The following MRRF variants were observed in gnomAD, a reference collection of about 807,000 sequenced individuals.
MRRF encodes mitochondrial ribosome recycling factor, also known as ribosome-recycling factor, mitochondrial.
Under a neutral mutation model 25.1 loss-of-function variants are expected in MRRF, and 18 were observed. The ratio of observed to expected loss-of-function variants is 0.72; its 90% CI spans 0.50 to 1.06. The LOEUF (loss-of-function observed/expected upper bound fraction) is 1.06. Among genes scored for constraint, MRRF ranks in the 50% least tolerant of loss-of-function variants. MRRF has a pLI of 0.00. For synonymous variants in MRRF, 113 were observed against 112.1 expected, an observed-to-expected ratio of 1.01 and a Z score of -0.05; for missense variants, 323 against 319.3, an observed-to-expected ratio of 1.01 and a Z score of -0.09.
intron 3 of MRRF, among the ~76,000 whole-genome samples, chr9:122,282,920 C>T (rs1410707809): frequency 6.6e-6 from 1 of 151,870 alleles, no homozygotes; most frequent in Non-Finnish European, 1.5e-5. Flanking sequence ...ATGCAAGGGT[C>T]CTGAAGCAAG....
chr9:122,289,286 A>G (rs565444786), intron 4 of MRRF, among the ~76,000 whole-genome samples: 19 of 152,320 alleles, frequency 1.2e-4, no homozygotes, highest in Admixed American at 1.0e-3. Context: ...CAGATCACTA[A>G]TATATTCAAT....
At chr9:122,321,121 C>T (rs1396484545) in intron 6 of MRRF, among the ~76,000 whole-genome samples, 1 of 152,208 alleles carries the variant, frequency 6.6e-6, no homozygotes, top group Non-Finnish European at 1.5e-5. Flanking sequence ...CAATACATTG[C>T]CTGTCTTCCC....
chr9:122,304,623 C>G (rs772647001), intron 5 of MRRF, among the ~76,000 whole-genome samples: 1 of 152,210 alleles, frequency 6.6e-6, no homozygotes, highest in Non-Finnish European at 1.5e-5. Context: ...ATGGTACCTA[C>G]CGGTTGACTA....
intron 3 of MRRF, among the ~76,000 whole-genome samples, chr9:122,283,627 T>G (rs575308301): frequency 1.3e-5 from 2 of 152,342 alleles, no homozygotes; most frequent in South Asian, 4.1e-4. Flanking sequence ...TCTGGTTGAG[T>G]ATCTCAAATC....
intron 5 of MRRF, among the ~76,000 whole-genome samples, chr9:122,306,806 TG>T (rs774154634): frequency 2.0e-5 from 3 of 152,200 alleles, no homozygotes; most frequent in Non-Finnish European, 2.9e-5. Flanking sequence ...AATGTGGAGC[TG>T]TGACCCCGAC....
At chr9:122,305,789 ATG>A (rs1170058524) in intron 5 of MRRF, among the ~76,000 whole-genome samples, 1 of 152,256 alleles carries the variant, frequency 6.6e-6, no homozygotes, top group East Asian at 1.9e-4. Context: ...TTTCACTAGA[ATG>A]TGAGTGCTTT....
chr9:122,298,465 G>A (rs1011204630), intron 5 of MRRF, among the ~76,000 whole-genome samples: 1 of 152,126 alleles, frequency 6.6e-6, no homozygotes, highest in African/African-American at 2.4e-5. Context: ...AGATATATGT[G>A]TCCCTGTGAC....
chr9:122,279,476 C>G (rs548825125), intron 2 of MRRF, among the ~76,000 whole-genome samples: 1 of 152,270 alleles, frequency 6.6e-6, no homozygotes, highest in East Asian at 1.9e-4. Flanking sequence ...AGATGTTCAA[C>G]AAAATTTATT....
At chr9:122,269,578 T>A (rs974134501) in intron 1 of MRRF, among the ~76,000 whole-genome samples, 1 of 151,752 alleles carries the variant, frequency 6.6e-6, no homozygotes, top group African/African-American at 2.4e-5. Flanking sequence ...TACAAAAAAA[T>A]TCGCTGGGCA....
rs751385219 is a variant in MRRF at position 122,322,625 on chromosome 9, C to G, written c.*8C>G. 1 of 1,613,784 alleles carries G rather than the reference C, an allele frequency of 6.2e-7. No homozygotes were observed. The highest frequency in any genetic ancestry group is 8.5e-7 in the Non-Finnish European group (1 of 1,179,750). ...AAAGAACTCCTTGGATGAAAGTCCACTGGGGCCAGCAATACTCCAGAGCCC... is the reference window on the plus strand; with the variant it reads ...AAAGAACTCCTTGGATGAAAGTCCAGTGGGGCCAGCAATACTCCAGAGCCC... On this transcript the variant is annotated 3_prime_UTR_variant, in exon 7 of 7. Transcript: ENST00000344641.
At chr9:122,311,700 A>G (rs1554823707) in intron 5 of MRRF, among the ~76,000 whole-genome samples, 1 of 152,126 alleles carries the variant, frequency 6.6e-6, no homozygotes, top group Non-Finnish European at 1.5e-5. Flanking sequence ...TTTTTCTTTG[A>G]TTAAGCATTT....
Position 122,313,324 on chromosome 9 carries a change from A to T in MRRF, c.649A>T (p.Asn217Tyr). Residue 217 changes from asparagine (N) to tyrosine (Y), a missense_variant, in exon 6 of 7, where the codon AAC becomes TAC. Coordinates refer to ENST00000344641, the MANE Select transcript of MRRF (RefSeq NM_138777.5). Reference sequence around the variant, plus strand: ...ACGGAAGGTTCGCACCAACTCAATGAACAAGCTGAAGAAATCCAAGGATAC... The same window carrying T: ...ACGGAAGGTTCGCACCAACTCAATGTACAAGCTGAAGAAATCCAAGGATAC... ...SLRKVRTNSM[N>Y]KLKKSKDTVS... The T allele has an allele frequency of 6.2e-7, 1 of 1,614,168 alleles. No homozygotes were observed. The highest frequency in any genetic ancestry group is 8.5e-7 in the Non-Finnish European group (1 of 1,179,970).
chr9:122,272,617 G>C (rs928444586), intron 2 of MRRF, among the ~76,000 whole-genome samples: 1 of 152,122 alleles, frequency 6.6e-6, no homozygotes, highest in Non-Finnish European at 1.5e-5. Flanking sequence ...GAAGTTGGTT[G>C]TTTGACTTTT....
At position 122,284,796 on chromosome 9, in the gene MRRF, A is replaced by G. The variant is rs117071139; in HGVS notation, c.341-373A>G. On this transcript the variant is annotated intron_variant, in intron 3 of 6. Transcript: ENST00000344641. The stretch of plus-strand genomic sequence containing the variant: ...TGTTTGTTGAATCTGAATTATTATT[A>G]TTATTTTGAGACAAGATCTCACTCT... Among the ~76,000 whole-genome samples the G allele has an allele frequency of 6.8e-4, 104 of 152,168 alleles. 1 individual carries two copies. In the East Asian group the frequency reaches 0.019, roughly 28 times the overall value.
Position 122,330,950 on chromosome 9 carries a change from A to G in MRRF, c.*8333A>G, listed in dbSNP as rs1486824540. On this transcript the variant is annotated 3_prime_UTR_variant, in exon 7 of 7. Transcript: ENST00000344641. The surrounding 1 kb of genome is among the most constrained non-coding windows in gnomAD (Gnocchi z 4.2). ...GTCTCCACACAGAGGAACACTTGGC[A>G]TCAGGGAGTCTGTTGTCTGACCCGC... 6 of 152,388 alleles carry G rather than the reference A, an allele frequency of 3.9e-5. No individual in the cohort carries two copies. In the Middle Eastern group the frequency reaches 0.01, roughly 257 times the overall value. The allele number at this position is 152,388 out of a possible 1,614,324, so 9.4% of individuals were successfully genotyped here.
Position 122,325,915 on chromosome 9 carries a change from G to C in MRRF, c.*3298G>C, listed in dbSNP as rs937728459. The stretch of plus-strand genomic sequence containing the variant: ...GCTCACTGCAGCCTTGAACTCTTTG[G>C]CTCATGCAATTCTCCCACCTCAGCC... On this transcript the variant is annotated 3_prime_UTR_variant, in exon 7 of 7. Coordinates refer to ENST00000344641, the MANE Select transcript of MRRF (RefSeq NM_138777.5). The C allele has an allele frequency of 1.3e-5, 2 of 150,990 alleles. No homozygotes were observed. The highest frequency in any genetic ancestry group is 4.9e-5 in the African/African-American group (2 of 40,982). 9.4% of individuals were successfully genotyped at this position (150,990 alleles called of 1,614,324 possible).
intron 5 of MRRF, among the ~76,000 whole-genome samples, chr9:122,308,735 C>T (rs967585188): frequency 2.7e-5 from 4 of 148,464 alleles, no homozygotes; most frequent in Non-Finnish European, 6.0e-5. Flanking sequence ...TGGGGTCATG[C>T]TGTCTCATCC....
intron 5 of MRRF, among the ~76,000 whole-genome samples, chr9:122,307,251 A>C (rs1834907949): frequency 6.6e-6 from 1 of 152,170 alleles, no homozygotes. Flanking sequence ...AAGCCCAGGG[A>C]GGAGGTGGCA....
intron 4 of MRRF, among the ~76,000 whole-genome samples, chr9:122,288,915 A>T (rs1458877898): frequency 6.6e-6 from 1 of 152,184 alleles, no homozygotes; most frequent in Admixed American, 6.5e-5. Flanking sequence ...AAGCAGCCAC[A>T]ACCAGTTAGT....
Sources: allele counts gnomAD v4.1 joint callset (sites outside exome capture counted in the v4.1 genomes callset), GRCh38; gene constraint gnomAD v4.1.1; non-coding constraint Gnocchi (gnomAD v3.1); transcripts MANE v1.5; gene names NCBI Gene and HGNC (gene_info 2026-07-23, HGNC 2026-07-21).